Variants in NBEAL1 observed in about 807,000 individuals in gnomAD.
NBEAL1 encodes neurobeachin-like protein 1.
In NBEAL1, 273 loss-of-function variants were observed where a neutral mutation model predicts 351.3. The observed-to-expected ratio is 0.78, with a 90% CI of 0.70 to 0.86. The LOEUF is 0.86. NBEAL1 is among the 40% of genes least tolerant of loss of function. The probability of loss-of-function intolerance (pLI) is 0.00; values close to 1 mark genes in which losing one functional copy is unlikely to be tolerated. For missense variants in NBEAL1, 2,961 were observed against 3,201.3 expected (o/e 0.92, Z 1.81); for synonymous variants, 1,050 against 1,086.4 (o/e 0.97, Z 0.66).
At chr2:203,212,606 CAAA>C (rs367786013) in intron 54 of NBEAL1, among the ~76,000 whole-genome samples, 4 of 81,234 alleles carry the variant, frequency 4.9e-5, no homozygotes, top group African/African-American at 4.6e-5. Context: ...GACTCCATCT[CAAA>C]AAAAAAAAAA....
chr2:203,209,715 G>GTGTGTGTGTA (rs895822572), intron 53 of NBEAL1, among the ~76,000 whole-genome samples: 1 of 148,904 alleles, frequency 6.7e-6, no homozygotes, highest in East Asian at 2.0e-4. Flanking sequence ...TAATTAATAT[G>GTGTGTGTGTA]TGTGTGTGTG....
intron 54 of NBEAL1, 134 bp from the exon 55 acceptor site, chr2:203,213,384 T>G: frequency 5.3e-6 from 4 of 750,852 alleles, no homozygotes; most frequent in African/African-American, 5.3e-5. Flanking sequence ...TTAGACTTTC[T>G]GGACACAAGT....
At chr2:203,084,810 T>TA (rs1483895423) in intron 10 of NBEAL1, 3 of 311,550 alleles carry the variant, frequency 9.6e-6, no homozygotes, top group African/African-American at 6.5e-5. Context: ...TCATGACATA[T>TA]ATTATTTTCA....
Position 203,097,570 on chromosome 2 carries a change from G to C in NBEAL1, c.1122G>C (p.Lys374Asn), listed in dbSNP as rs2062209830. The change falls in exon 11 of 56, where the codon AAG becomes AAC. Residue 374 changes from lysine (K) to asparagine (N), a missense_variant. Physicochemically the swap from Lys to Asn is moderately conservative, Grantham distance 94. Transcript: ENST00000683969. ...AGCTATTTTTAAATGCTAACAATAA[G>C]GTGGCAGACAAGAACGAGAAAGACC... ...NCKLFLNANN[K>N]VADKNEKDLA... 1.0e-6 allele frequency: 1 copy of C among 985,218 alleles called. No homozygotes were observed. Among genetic ancestry groups the C allele is most frequent in the African/African-American group, 1.7e-5 (1 of 57,194 alleles). The allele number at this position is 985,218 out of a possible 1,614,324, so 61.0% of individuals were successfully genotyped here.
intron 6 of NBEAL1, among the ~76,000 whole-genome samples, chr2:203,059,424 A>G (rs2061459874): frequency 1.3e-5 from 2 of 152,244 alleles, no homozygotes; most frequent in African/African-American, 4.8e-5. Flanking sequence ...GAGCTACTAA[A>G]GATCCCAGGC....
intron 35 of NBEAL1, among the ~76,000 whole-genome samples, chr2:203,153,168 T>C (rs188034523): frequency 7.7e-4 from 117 of 152,340 alleles, no homozygotes; most frequent in African/African-American, 2.6e-3. Context: ...GGACTCTCTC[T>C]GTTGACCAAG....
chr2:203,161,553 C>T (rs1342994906), intron 36 of NBEAL1, among the ~76,000 whole-genome samples: 1 of 151,352 alleles, frequency 6.6e-6, no homozygotes, highest in Non-Finnish European at 1.5e-5. Context: ...TGCTCCAACT[C>T]AGGAGGCGGA....
Position 203,183,339 on chromosome 2 carries a change from A to G in NBEAL1, c.6656A>G (p.Lys2219Arg), listed in dbSNP as rs999630491. The G allele has an allele frequency of 1.9e-6, 3 of 1,601,922 alleles. No homozygotes were observed. The African/African-American group carries it at 4.0e-5, about 21-fold the overall frequency. The change falls in exon 44 of 56, where the codon AAA (lysine) becomes AGA (arginine). Residue 2219 changes from lysine (K) to arginine (R), a missense_variant. Physicochemically the swap from Lys to Arg is conservative, Grantham distance 26. Transcript: ENST00000683969. ...TTAGTAAATGATGTCATTCTCCCGA[A>G]ATGGGCTAAATCAGCTGAAGATTTC... is the stretch of plus-strand genomic sequence containing the variant. Reference protein sequence around the residue: ...KELVNDVILPKWAKSAEDFIY... With the variant: ...KELVNDVILPRWAKSAEDFIY...
intron 36 of NBEAL1, among the ~76,000 whole-genome samples, chr2:203,158,815 G>GTTTTTTTTTTTTTTTTTTTTTTTGTT (rs71034220): frequency 1.2e-5 from 1 of 84,362 alleles, no homozygotes; most frequent in Non-Finnish European, 2.1e-5. Context: ...TTTCTGTAGG[G>GTTTTTTTTTTTTTTTTTTTTTTTGTT]TTTTTTTTTT....
At chr2:203,167,745 T>A (rs2064180043) in intron 38 of NBEAL1, among the ~76,000 whole-genome samples, 1 of 152,232 alleles carries the variant, frequency 6.6e-6, no homozygotes, top group Admixed American at 6.5e-5. Context: ...GTTAAGTGCA[T>A]ATGCTCTAAA....
At chr2:203,189,069 C>A (rs952083266) in intron 45 of NBEAL1, among the ~76,000 whole-genome samples, 1 of 152,174 alleles carries the variant, frequency 6.6e-6, no homozygotes, top group Non-Finnish European at 1.5e-5. Flanking sequence ...TTATGAGAGA[C>A]TTTTAGTAAA....
rs550269242 is a variant in NBEAL1, at chr2:203,220,233, C to A, written c.*2879C>A. On this transcript the variant is annotated 3_prime_UTR_variant, in exon 56 of 56. Coordinates refer to ENST00000683969, the MANE Select transcript of NBEAL1 (RefSeq NM_001378026.1). ...AATTGTGGTGGCTCACGCCTATAAT[C>A]CCAGCTCTTTGGGAGGCCGAGGTGG... Among the ~76,000 whole-genome samples the A allele has an allele frequency of 6.6e-6, 1 of 152,244 alleles. No individual in the cohort carries two copies. Among genetic ancestry groups the A allele is most frequent in the South Asian group, 2.1e-4 (1 of 4,830 alleles).
rs1174256600 is a variant in NBEAL1, at chr2:203,217,994, G to A, written c.*640G>A. On this transcript the variant is annotated 3_prime_UTR_variant, in exon 56 of 56. Transcript: ENST00000683969. ...AATTGAGTAGAAAAAAGTGGAACTA[G>A]AGATACATTTTACAGATGTATTTCC... The A allele has an allele frequency of 1.2e-6, 1 of 849,376 alleles. No individual in the cohort carries two copies. The highest frequency in any genetic ancestry group is 1.4e-6 in the Non-Finnish European group (1 of 706,306). The allele number at this position is 849,376 out of a possible 1,614,324, so 52.6% of individuals were successfully genotyped here. A position where few individuals can be genotyped will look rare whatever the true frequency, so the allele number is the denominator to read the frequency against.
chr2:203,108,398 T>G (rs1278720436), intron 14 of NBEAL1, among the ~76,000 whole-genome samples: 4 of 2,606 alleles, frequency 1.5e-3, no homozygotes, highest in Non-Finnish European at 0.016. Flanking sequence ...CTGGTTAAGT[T>G]TTTTTTTTTT....
intron 2 of NBEAL1, among the ~76,000 whole-genome samples, chr2:203,017,012 A>G (rs1358267644): frequency 6.6e-6 from 1 of 152,218 alleles, no homozygotes; most frequent in African/African-American, 2.4e-5. Context: ...TAGCCGAGAA[A>G]CACAGTACTA....
At position 203,180,449 on chromosome 2, in the gene NBEAL1, T is replaced by C; in HGVS notation, c.6532T>C (p.Tyr2178His). 1 of 1,612,492 alleles carries C rather than the reference T, an allele frequency of 6.2e-7. No homozygotes were observed. Among genetic ancestry groups the C allele is most frequent in the South Asian group, 1.1e-5 (1 of 90,912 alleles). The change falls in exon 43 of 56, where the codon TAT (tyrosine) becomes CAT (histidine). Residue 2178 changes from tyrosine (Y) to histidine (H), a missense_variant. By Grantham distance (83) the Tyr-to-His change is moderately conservative. Transcript: ENST00000683969. Reference protein sequence around the residue: ...ATWQALMDNPYDVKELIPEFF... With the variant: ...ATWQALMDNPHDVKELIPEFF... ...CTGGCAAGCTCTTATGGATAATCCA[T>C]ATGATGTTAAAGAACTTATTCCTGA...
chr2:203,111,905 A>G, intron 15 of NBEAL1, 74 bp from the exon 16 acceptor site: 1 of 1,456,708 alleles, frequency 6.9e-7, no homozygotes, highest in South Asian at 1.3e-5. Flanking sequence ...TTATAGAGCA[A>G]ACTTCTGAAA....
intron 14 of NBEAL1, among the ~76,000 whole-genome samples, chr2:203,108,945 G>T (rs886776424): frequency 2.0e-5 from 3 of 152,162 alleles, no homozygotes; most frequent in Non-Finnish European, 2.9e-5. Flanking sequence ...TACTTGGAAG[G>T]CTGAAAGGAT....
At chr2:203,128,314 G>T (rs535685554) in intron 24 of NBEAL1, among the ~76,000 whole-genome samples, 7 of 140,172 alleles carry the variant, frequency 5.0e-5, no homozygotes, top group Admixed American at 3.0e-4. Flanking sequence ...CACCATGTTG[G>T]TCAGGCTGGT....
Sources: gnomAD v4.1 joint callset for allele counts (sites outside exome capture counted in the v4.1 genomes callset) on GRCh38, gnomAD v4.1.1 for gene constraint, MANE v1.5 for transcripts, NCBI Gene and HGNC (gene_info 2026-07-23, HGNC 2026-07-21) for gene names.